SYNE1: variants seen among roughly 807,000 people sequenced by gnomAD.
SYNE1 encodes the protein nesprin-1.
In SYNE1, 616 loss-of-function variants were observed where a neutral mutation model predicts 1,111.0. The ratio of observed to expected loss-of-function variants is 0.55; its 90% CI spans 0.52 to 0.59. SYNE1 has a LOEUF of 0.59. Among genes scored for constraint, SYNE1 ranks in the 20% least tolerant of loss-of-function variants. The pLI is 0.00. For missense variants in SYNE1, 10,006 were observed against 10,417.0 expected, an observed-to-expected ratio of 0.96 and a Z score of 1.72; for synonymous variants, 3,855 against 3,825.8, an observed-to-expected ratio of 1.01 and a Z score of -0.28.
At chr6:152,434,504 C>T (rs750474910) in intron 33 of SYNE1, 2 of 152,480 alleles carry the variant, frequency 1.3e-5, no homozygotes, top group Non-Finnish European at 2.9e-5. Flanking sequence ...GATGTATAAT[C>T]TTTGTGACTT....
At chr6:152,606,732 C>G (rs1053295314) in intron 3 of SYNE1, among the ~76,000 whole-genome samples, 6 of 152,110 alleles carry the variant, frequency 3.9e-5, no homozygotes, top group Admixed American at 3.3e-4. Flanking sequence ...ACTGCAAGCT[C>G]CGCCTCCCGG....
chr6:152,253,817 G>GTTTTTTTTTGTTT (rs1491115589), intron 104 of SYNE1, among the ~76,000 whole-genome samples: 1 of 59,156 alleles, frequency 1.7e-5, no homozygotes, highest in African/African-American at 8.1e-5. Flanking sequence ...GTAGTGGTTT[G>GTTTTTTTTTGTTT]GTTTTTTTTT....
At chr6:152,532,672 A>G (rs779108204) in intron 4 of SYNE1, among the ~76,000 whole-genome samples, 1 of 152,196 alleles carries the variant, frequency 6.6e-6, no homozygotes. Context: ...TTGACTCTCC[A>G]TGTGCATTCT....
At chr6:152,272,254 C>T (rs1209752493) in intron 98 of SYNE1, among the ~76,000 whole-genome samples, 1 of 152,122 alleles carries the variant, frequency 6.6e-6, no homozygotes, top group Non-Finnish European at 1.5e-5. Flanking sequence ...GAAGGTGCAG[C>T]CAGAAGGAAT....
intron 100 of SYNE1, among the ~76,000 whole-genome samples, chr6:152,263,145 G>A (rs1454302242): frequency 2.6e-5 from 4 of 151,500 alleles, no homozygotes; most frequent in South Asian, 2.1e-4. Context: ...AGGAATGATC[G>A]TACAGGATGT....
At chr6:152,367,132 A>G (rs766299136) in intron 62 of SYNE1, 86 bp downstream of exon 62, 1 of 1,508,040 alleles carries the variant, frequency 6.6e-7, no homozygotes, top group Non-Finnish European at 9.2e-7. Context: ...AGAATGTGAC[A>G]TCATCACCCC....
At position 152,236,946 on chromosome 6, in the gene SYNE1, C is replaced by T. The variant is rs141263831; in HGVS notation, c.20070G>A (p.Thr6690=). The change falls in exon 109 of 146, where the codon ACG becomes ACA. Residue 6690 remains threonine, a splice_region_variant and synonymous_variant. Coordinates refer to ENST00000367255, the MANE Select transcript of SYNE1 (RefSeq NM_182961.4). ...GCTGGTCCTCATCCAGATGGGACCA[C>T]GTCTAGAAACACAACATGAGTCTGT... The part of the protein sequence containing the change: ...RGVELEYILE[T]WSHLDEDQQE... 45 of 1,613,656 alleles carry T rather than the reference C, an allele frequency of 2.8e-5. No homozygotes were observed. Among genetic ancestry groups the T allele is most frequent in the South Asian group, 2.7e-4 (25 of 91,030 alleles).
At chr6:152,269,621 G>T (rs747391034) in intron 98 of SYNE1, among the ~76,000 whole-genome samples, 1 of 152,032 alleles carries the variant, frequency 6.6e-6, no homozygotes, top group Non-Finnish European at 1.5e-5. Context: ...TGATGAGTTT[G>T]TTTTTTAAGT....
chr6:152,618,358 A>G (rs914125357), intron 3 of SYNE1, among the ~76,000 whole-genome samples: 3 of 152,194 alleles, frequency 2.0e-5, no homozygotes, highest in African/African-American at 7.2e-5. Flanking sequence ...ACAACATATA[A>G]CAAATACAAC....
Position 152,455,882 on chromosome 6 carries a change from T to C in SYNE1, c.2727+4A>G, listed in dbSNP as rs2098692653. 6.2e-7 allele frequency: 1 copy of C among 1,614,014 alleles called. No homozygotes were observed. The highest frequency in any genetic ancestry group is 8.5e-7 in the Non-Finnish European group (1 of 1,179,944). On this transcript the variant is annotated splice_donor_region_variant and intron_variant, in intron 23 of 145. Transcript: ENST00000367255. ...ACAGCTCTAAAGCAGGGAGAGCAAATTACCTGAAAAGCAACATGAATATCT... is the reference window on the plus strand; with the variant it reads ...ACAGCTCTAAAGCAGGGAGAGCAAACTACCTGAAAAGCAACATGAATATCT...
At chr6:152,612,612 C>T (rs941705787) in intron 3 of SYNE1, among the ~76,000 whole-genome samples, 12 of 152,116 alleles carry the variant, frequency 7.9e-5, no homozygotes, top group African/African-American at 2.7e-4. Context: ...CTATTCCAGT[C>T]AATAGAAAAA....
At chr6:152,301,791 G>A in intron 92 of SYNE1, 78 bp downstream of exon 92, 1 of 1,453,886 alleles carries the variant, frequency 6.9e-7, no homozygotes, top group Non-Finnish European at 9.2e-7. Flanking sequence ...CCTGAAATCA[G>A]CCACGGAGAG....
intron 131 of SYNE1, among the ~76,000 whole-genome samples, chr6:152,159,307 T>C (rs2061972169): frequency 6.6e-6 from 1 of 152,202 alleles, no homozygotes; most frequent in Non-Finnish European, 1.5e-5. Context: ...ATGATTGGCG[T>C]TCTATAAATC....
chr6:152,321,119 T>C, intron 84 of SYNE1, 119 bp downstream of exon 84: 1 of 1,096,854 alleles, frequency 9.1e-7, no homozygotes, highest in Non-Finnish European at 1.3e-6. Flanking sequence ...TTTATAGCCA[T>C]CTATTTTTTT....
chr6:152,155,886 A>G (rs1350067254), intron 132 of SYNE1, 24 bp downstream of exon 132: 2 of 1,613,114 alleles, frequency 1.2e-6, no homozygotes, highest in Non-Finnish European at 1.7e-6. Flanking sequence ...CCTCTTCCCT[A>G]TCTGTTTCAG....
intron 3 of SYNE1, among the ~76,000 whole-genome samples, chr6:152,559,016 A>G (rs1290714530): frequency 8.2e-6 from 1 of 122,336 alleles, no homozygotes; most frequent in African/African-American, 3.1e-5. Context: ...TTATTTATTT[A>G]TTTATTTTTA....
chr6:152,252,843 A>G (rs2089723435), intron 104 of SYNE1, among the ~76,000 whole-genome samples: 1 of 152,258 alleles, frequency 6.6e-6, no homozygotes, highest in Non-Finnish European at 1.5e-5. Context: ...AGAGAATTCC[A>G]TGATTCTCTT....
chr6:152,567,405 C>T (rs2099417485), intron 3 of SYNE1, among the ~76,000 whole-genome samples: 1 of 150,366 alleles, frequency 6.7e-6, no homozygotes, highest in South Asian at 2.1e-4. Flanking sequence ...GTTTTCCTAA[C>T]CTACACAGTG....
rs184907263 is a variant in SYNE1, at chr6:152,358,637, T to C, written c.10444-100A>G. The C allele has an allele frequency of 3.9e-4, 463 of 1,179,342 alleles. 7 individuals carry two copies. In the Middle Eastern group the frequency reaches 0.013, roughly 32 times the overall value. 73.1% of individuals were successfully genotyped at this position (1,179,342 alleles called of 1,614,324 possible). A position where few individuals can be genotyped will look rare whatever the true frequency, so the allele number is the denominator to read the frequency against. On this transcript the variant is annotated intron_variant, in intron 65 of 145. Transcript: ENST00000367255. ...TTGTAATTTTAGAAAAGTATAATTA[T>C]TGAGACATTAGAATATGAGTTATTT...
Sources: gnomAD v4.1 joint callset for allele counts (sites outside exome capture counted in the v4.1 genomes callset) on GRCh38, gnomAD v4.1.1 for gene constraint, MANE v1.5 for transcripts, NCBI Gene and HGNC (gene_info 2026-07-23, HGNC 2026-07-21) for gene names.